The following RBFOX1 variants were observed in gnomAD, a reference collection of about 807,000 sequenced individuals.
RBFOX1 encodes the protein RNA binding fox-1 homolog 1.
A neutral mutation model predicts 57.7 loss-of-function variants in RBFOX1; 8 were observed. The observed-to-expected ratio is 0.14, with a 90% CI of 0.08 to 0.25. The LOEUF is 0.25. Among genes scored for constraint, RBFOX1 ranks in the 10% least tolerant of loss-of-function variants. The pLI, the probability that RBFOX1 is intolerant of heterozygous loss-of-function variation, is 1.00. For synonymous variants in RBFOX1, 326 were observed against 222.4 expected, an observed-to-expected ratio of 1.47 and a Z score of -4.15; for missense variants, 611 against 548.5, an observed-to-expected ratio of 1.11 and a Z score of -1.14.
At chr16:5,627,440 A>C (rs1367263977) in intron 3 of RBFOX1, among the ~76,000 whole-genome samples, 1 of 152,142 alleles carries the variant, frequency 6.6e-6, no homozygotes, top group Admixed American at 6.5e-5. Flanking sequence ...TGTGTGTCCC[A>C]AAGGGGGAAA....
intron 3 of RBFOX1, among the ~76,000 whole-genome samples, chr16:6,906,662 T>C (rs2070047599): frequency 6.6e-6 from 1 of 152,108 alleles, no homozygotes; most frequent in Admixed American, 6.5e-5. Flanking sequence ...CTCTGAACTC[T>C]TGGGACTTAA....
At chr16:5,418,931 T>A (rs964785721) in intron 1 of RBFOX1, among the ~76,000 whole-genome samples, 2 of 152,056 alleles carry the variant, frequency 1.3e-5, no homozygotes, top group Non-Finnish European at 2.9e-5. Context: ...GTGCCCCAGC[T>A]CAGAGGTGAA....
intron 2 of RBFOX1, among the ~76,000 whole-genome samples, chr16:5,542,805 C>T (rs910093640): frequency 6.6e-6 from 1 of 152,176 alleles, no homozygotes; most frequent in Non-Finnish European, 1.5e-5. Context: ...ACCATCCATA[C>T]TCATTAATAA....
intron 1 of RBFOX1, among the ~76,000 whole-genome samples, chr16:6,082,618 A>G (rs2096020883): frequency 6.6e-6 from 1 of 151,984 alleles, no homozygotes; most frequent in African/African-American, 2.4e-5. Flanking sequence ...TTTGTATCAC[A>G]TGCCTGTGCC....
At chr16:7,288,023 C>A (rs74939381) in intron 4 of RBFOX1, among the ~76,000 whole-genome samples, 4,767 of 152,172 alleles carry the variant, frequency 0.031, 105 homozygotes, top group South Asian at 0.13. Flanking sequence ...TGGCTGAGAT[C>A]TGTTTTCCTC....
intron 4 of RBFOX1, among the ~76,000 whole-genome samples, chr16:7,238,177 G>C (rs923956191): frequency 6.6e-6 from 1 of 152,152 alleles, no homozygotes; most frequent in Non-Finnish European, 1.5e-5. Context: ...GTTACCAAGG[G>C]CTGGGAGAAA....
intron 2 of RBFOX1, among the ~76,000 whole-genome samples, chr16:5,467,488 T>C (rs147024569): frequency 4.9e-4 from 74 of 152,230 alleles, no homozygotes; most frequent in Admixed American, 9.2e-4. Flanking sequence ...AATGAAGTCA[T>C]TTTTGCCAGG....
At chr16:6,072,585 G>T (rs2095850155) in intron 1 of RBFOX1, among the ~76,000 whole-genome samples, 2 of 150,474 alleles carry the variant, frequency 1.3e-5, no homozygotes, top group South Asian at 4.2e-4. Context: ...TGGCAAAAGG[G>T]TTCCAGTTTT....
rs978450865 is a variant in RBFOX1 at position 7,130,374 on chromosome 16, G to C, written c.27+78276G>C. 5.3e-5 allele frequency among the ~76,000 whole-genome samples: 8 copies of C among 152,152 alleles called. No homozygotes were observed. The East Asian group carries it at 9.6e-4, about 18-fold the overall frequency. ...TTTTTAAGCCAGCTGAATGGGTTAA[G>C]TGTTTGTCCATTGTGCTCTGGAAAT... On this transcript the variant is annotated intron_variant, in intron 4 of 15. Coordinates refer to ENST00000550418, the MANE Select transcript of RBFOX1 (RefSeq NM_018723.4).
chr16:6,451,892 A>ATC (rs2094634835), intron 2 of RBFOX1, among the ~76,000 whole-genome samples: 1 of 67,592 alleles, frequency 1.5e-5, no homozygotes. Context: ...ATCCATGGCC[A>ATC]CTCCCTCCCA....
At chr16:5,395,078 G>C (rs1001873115) in intron 1 of RBFOX1, among the ~76,000 whole-genome samples, 1 of 152,176 alleles carries the variant, frequency 6.6e-6, no homozygotes, top group Non-Finnish European at 1.5e-5. Flanking sequence ...TGCCCGTTCA[G>C]CCTTGTGGTT....
At chr16:5,250,836 C>T (rs538796550) in intron 1 of RBFOX1, among the ~76,000 whole-genome samples, 132 of 152,286 alleles carry the variant, frequency 8.7e-4, no homozygotes, top group Admixed American at 3.0e-3. Flanking sequence ...TGATGAATTT[C>T]CTCACACACA....
chr16:6,788,668 G>A (rs2154245572), intron 3 of RBFOX1, among the ~76,000 whole-genome samples: 1 of 151,820 alleles, frequency 6.6e-6, no homozygotes, highest in East Asian at 1.9e-4. Flanking sequence ...GTAGAGACGG[G>A]GTTTCACCGT....
chr16:5,540,468 C>G (rs1272372834), intron 2 of RBFOX1, among the ~76,000 whole-genome samples: 3 of 152,124 alleles, frequency 2.0e-5, no homozygotes, highest in African/African-American at 7.2e-5. Context: ...TGTTCCCAAA[C>G]TTAAGTTTGG....
At chr16:5,426,849 A>G (rs1257642248) in intron 1 of RBFOX1, among the ~76,000 whole-genome samples, 1 of 152,210 alleles carries the variant, frequency 6.6e-6, no homozygotes, top group Non-Finnish European at 1.5e-5. Flanking sequence ...CCAGGTGGTT[A>G]AACAACGCAG....
intron 3 of RBFOX1, among the ~76,000 whole-genome samples, chr16:6,798,541 C>G (rs2084627163): frequency 6.6e-6 from 1 of 152,124 alleles, no homozygotes; most frequent in Non-Finnish European, 1.5e-5. Flanking sequence ...GATAACACCC[C>G]CAATTCTAAC....
At chr16:7,635,571 G>A (rs1484443913) in intron 11 of RBFOX1, among the ~76,000 whole-genome samples, 1 of 152,090 alleles carries the variant, frequency 6.6e-6, no homozygotes, top group African/African-American at 2.4e-5. Context: ...TGCAATGGTG[G>A]GGGCGGGGGA....
intron 4 of RBFOX1, among the ~76,000 whole-genome samples, chr16:7,081,123 C>G (rs2059130717): frequency 1.3e-5 from 2 of 152,322 alleles, no homozygotes; most frequent in African/African-American, 4.8e-5. Flanking sequence ...CAACCTCCAC[C>G]TCCCAGGTTG....
chr16:7,261,967 G>T (rs1434359188), intron 4 of RBFOX1, among the ~76,000 whole-genome samples: 3 of 152,184 alleles, frequency 2.0e-5, no homozygotes, highest in Non-Finnish European at 4.4e-5. Flanking sequence ...GGTGGCTGTT[G>T]TTAAATCATC....
Sources: allele counts gnomAD v4.1 joint callset (sites outside exome capture counted in the v4.1 genomes callset), GRCh38; gene constraint gnomAD v4.1.1; transcripts MANE v1.5; gene names NCBI Gene and HGNC (gene_info 2026-07-23, HGNC 2026-07-21).